Variants in MIA2 observed in about 807,000 individuals in gnomAD.
The protein encoded by MIA2 is MIA SH3 domain ER export factor 2, also known as melanoma inhibitory activity protein 2.
Under a neutral mutation model 167.8 loss-of-function variants are expected in MIA2, and 127 were observed. The observed-to-expected ratio is 0.76, with a 90% CI of 0.66 to 0.88. MIA2 has a LOEUF of 0.88. Ranked by LOEUF, MIA2 falls within the 40% of genes least tolerant of loss-of-function variation. The pLI is 0.00. For missense variants in MIA2, 1,690 were observed against 1,624.7 expected (o/e 1.04, Z -0.69); for synonymous variants, 552 against 541.9 (o/e 1.02, Z -0.26).
rs1322467685 is a variant in MIA2 at position 39,357,438 on chromosome 14, A to G, written c.2248+8461A>G. Reference sequence around the variant, plus strand: ...TCCTCCATCCCTTTATTTTGAGCCTATGTATGTCTCTGCATGTGAGATGGG... The same window carrying G: ...TCCTCCATCCCTTTATTTTGAGCCTGTGTATGTCTCTGCATGTGAGATGGG... On this transcript the variant is annotated intron_variant, in intron 23 of 23. Coordinates refer to the MIA2 transcript ENST00000341502. Among the ~76,000 whole-genome samples the G allele has an allele frequency of 2.6e-5, 4 of 152,022 alleles. No individual in the cohort carries two copies. In the South Asian group the frequency reaches 8.3e-4, roughly 32 times the overall value.
intron 23 of MIA2, among the ~76,000 whole-genome samples, chr14:39,360,924 G>A (rs958406186): frequency 6.6e-6 from 1 of 152,148 alleles, no homozygotes; most frequent in Non-Finnish European, 1.5e-5. Flanking sequence ...TTCCTCCAAT[G>A]TATGTTCTTG....
At chr14:39,293,060 A>G (rs2060944714) in intron 10 of MIA2, among the ~76,000 whole-genome samples, 2 of 152,210 alleles carry the variant, frequency 1.3e-5, no homozygotes, top group Non-Finnish European at 1.5e-5. Flanking sequence ...CAAAGACTGC[A>G]TGGCCTACGA....
intron 25 of MIA2, 34 bp downstream of exon 25, chr14:39,327,056 A>G: frequency 7.0e-7 from 1 of 1,425,828 alleles, no homozygotes. Flanking sequence ...TTTCTCTTTG[A>G]AAGGCAGCTG....
At position 39,252,867 on chromosome 14, in the gene MIA2, C is replaced by G. The variant is rs775987976; in HGVS notation, c.1687C>G (p.Leu563Val). The G allele has an allele frequency of 5.8e-5, 93 of 1,613,890 alleles. No individual in the cohort carries two copies. In the South Asian group the frequency reaches 9.2e-4, roughly 16 times the overall value. The change falls in exon 5 of 29, where the codon CTG becomes GTG. Residue 563 changes from leucine (L) to valine (V), a missense_variant. Physicochemically the swap from Leu to Val is conservative, Grantham distance 32. Coordinates refer to ENST00000640607, the MANE Select transcript of MIA2 (RefSeq NM_001329214.4). ...ATCAGTAGACACCGAAGGGCCTGCT[C>G]TGGTGGAGATAGACAGATCTGTGGA... Reference protein sequence around the residue: ...KPSVDTEGPALVEIDRSVENT... With the variant: ...KPSVDTEGPAVVEIDRSVENT...
chr14:39,310,868 C>T (rs776410998), intron 18 of MIA2, among the ~76,000 whole-genome samples: 2 of 152,068 alleles, frequency 1.3e-5, no homozygotes, highest in Admixed American at 6.5e-5. Flanking sequence ...AGAGACTAAA[C>T]GTGACAAAAT....
intron 23 of MIA2, chr14:39,370,693 G>T: frequency 5.0e-6 from 1 of 199,786 alleles, no homozygotes; most frequent in South Asian, 8.2e-5. Flanking sequence ...CCACCACTTC[G>T]CTGCTCATCC....
intron 24 of MIA2, among the ~76,000 whole-genome samples, chr14:39,321,694 GAC>G (rs1366627613): frequency 6.6e-6 from 1 of 151,672 alleles, no homozygotes; most frequent in African/African-American, 2.4e-5. Flanking sequence ...AATTTTGTAA[GAC>G]TGCATGAAAT....
intron 25 of MIA2, among the ~76,000 whole-genome samples, chr14:39,330,350 C>G (rs1481155577): frequency 6.6e-6 from 1 of 151,928 alleles, no homozygotes; most frequent in Admixed American, 6.6e-5. Flanking sequence ...CTATTTGATT[C>G]TTCTCTCTTT....
At chr14:39,356,613 C>G (rs941182359) in intron 23 of MIA2, among the ~76,000 whole-genome samples, 5 of 151,578 alleles carry the variant, frequency 3.3e-5, no homozygotes, top group Non-Finnish European at 7.4e-5. Flanking sequence ...AATGTGTTTG[C>G]TCTTCTCTAG....
At chr14:39,284,765 T>C (rs1337450996) in intron 9 of MIA2, among the ~76,000 whole-genome samples, 2 of 152,054 alleles carry the variant, frequency 1.3e-5, no homozygotes. Flanking sequence ...TTTTATTTTT[T>C]TTTTATTGAT....
chr14:39,347,494 G>T, intron 26 of MIA2: 1 of 536,650 alleles, frequency 1.9e-6, no homozygotes, highest in Non-Finnish European at 3.3e-6. Flanking sequence ...TTAGGAACTA[G>T]CCAGAGAAAT....
intron 9 of MIA2, among the ~76,000 whole-genome samples, chr14:39,286,121 C>T (rs561866191): frequency 3.9e-5 from 6 of 152,190 alleles, no homozygotes; most frequent in South Asian, 2.1e-4. Context: ...TGTAGCTAGC[C>T]GAGATCACAC....
intron 6 of MIA2, among the ~76,000 whole-genome samples, chr14:39,261,315 G>A (rs929319601): frequency 4.6e-5 from 7 of 152,148 alleles, no homozygotes; most frequent in Non-Finnish European, 7.3e-5. Flanking sequence ...CAAAGGACAT[G>A]AACTCATCCT....
At chr14:39,275,028 C>T (rs1474493486) in intron 6 of MIA2, among the ~76,000 whole-genome samples, 5 of 148,672 alleles carry the variant, frequency 3.4e-5, no homozygotes, top group East Asian at 2.0e-4. Context: ...TAAGCCTACA[C>T]GGTGCCGCTG....
intron 18 of MIA2, among the ~76,000 whole-genome samples, chr14:39,312,756 AG>A (rs1045781911): frequency 2.6e-5 from 4 of 152,036 alleles, no homozygotes; most frequent in Admixed American, 2.0e-4. Context: ...TAATACATGT[AG>A]AAGTCTGAGA....
At chr14:39,353,309 G>C (rs146907267), downstream of MIA2, among the ~76,000 whole-genome samples, 29 of 152,166 alleles carry the variant, frequency 1.9e-4, no homozygotes, top group East Asian at 5.0e-3. Context: ...CTGTATGTTT[G>C]TACCCATAAC....
chr14:39,263,060 G>A (rs1313324863), intron 6 of MIA2, among the ~76,000 whole-genome samples: 1 of 152,224 alleles, frequency 6.6e-6, no homozygotes, highest in Non-Finnish European at 1.5e-5. Flanking sequence ...GTGTTGAATA[G>A]GAGTGGTGAG....
chr14:39,315,742 C>A (rs757205829), intron 21 of MIA2, 24 bp downstream of exon 21: 1 of 1,484,244 alleles, frequency 6.7e-7, no homozygotes, highest in South Asian at 1.2e-5. Flanking sequence ...TTCCTTAAGT[C>A]TCTTTTGTCA....
intron 28 of MIA2, 44 bp from the exon 29 acceptor site, chr14:39,350,054 G>A: frequency 1.3e-6 from 1 of 761,042 alleles, no homozygotes; most frequent in Non-Finnish European, 2.2e-6. Context: ...CACAGTACAG[G>A]TTCTTAAAGT....
Sources: gnomAD v4.1 joint callset for allele counts (sites outside exome capture counted in the v4.1 genomes callset) on GRCh38, gnomAD v4.1.1 for gene constraint, MANE v1.5 for transcripts, NCBI Gene and HGNC (gene_info 2026-07-23, HGNC 2026-07-21) for gene names.